The following ZNF571 variants were observed in gnomAD, a reference collection of about 807,000 sequenced individuals.
The protein encoded by ZNF571 is zinc finger protein 571.
ZNF571 carries 4 observed loss-of-function variants against 7.7 expected under a neutral mutation model. The observed-to-expected ratio is 0.52, with a 90% CI of 0.25 to 1.18. The LOEUF (loss-of-function observed/expected upper bound fraction) is 1.18. Among genes scored for constraint, ZNF571 ranks in the 50% most tolerant of loss-of-function variants. ZNF571 has a pLI of 0.14. For synonymous variants in ZNF571, 251 were observed against 232.4 expected (o/e 1.08, Z -0.73); for missense variants, 704 against 726.9 (o/e 0.97, Z 0.36).
At position 37,564,639 on chromosome 19, in the gene ZNF571, A is replaced by T; in HGVS notation, c.1789T>A (p.Cys597Ser). Residue 597 changes from cysteine to serine, a missense_variant, in exon 4 of 4, where the codon TGT (cysteine) becomes AGT (serine). By Grantham distance (112) the Cys-to-Ser change is moderately radical. Transcript: ENST00000451802. ...TCVQCGKDFR[C>S]PSQLTQHTRL... ...GTATGTTGAGTAAGTTGTGAAGGAC[A>T]TCTAAAGTCTTTACCACACTGGACA... 1 of 1,579,496 alleles carries T rather than the reference A, an allele frequency of 6.3e-7. No homozygotes were observed.
At chr19:37,579,523 A>G (rs1425843036) in intron 3 of ZNF571, among the ~76,000 whole-genome samples, 1 of 150,254 alleles carries the variant, frequency 6.7e-6, no homozygotes, top group Non-Finnish European at 1.5e-5. Flanking sequence ...TGGTGCTGGG[A>G]TAACTGGCTA....
rs199608137 is a variant in ZNF571 at position 37,564,610 on chromosome 19, C to A, written c.1818G>T (p.Arg606Ser). The change falls in exon 4 of 4, where the codon AGG becomes AGT. Residue 606 changes from arginine (R) to serine (S), a missense_variant. By Grantham distance (110) the Arg-to-Ser change is moderately radical. Coordinates refer to ENST00000451802, the MANE Select transcript of ZNF571 (RefSeq NM_016536.5). ...ATTCAAGGCTTTCTCAATTATGAAG[C>A]CTTGTATGTTGAGTAAGTTGTGAAG... ...RCPSQLTQHT[R>S]LHN 1 of 1,518,810 alleles carries A rather than the reference C, an allele frequency of 6.6e-7. No individual in the cohort carries two copies. The allele number at this position is 1,518,810 out of a possible 1,614,324, so 94.1% of individuals were successfully genotyped here.
At chr19:37,578,676 C>G (rs1237367705) in intron 3 of ZNF571, among the ~76,000 whole-genome samples, 1 of 151,960 alleles carries the variant, frequency 6.6e-6, no homozygotes, top group Non-Finnish European at 1.5e-5. Context: ...CACAGCGACC[C>G]TGTCCCCACC....
intron 2 of ZNF571, chr19:37,585,144 A>T (rs1271565449): frequency 6.6e-6 from 1 of 152,246 alleles, no homozygotes; most frequent in Non-Finnish European, 1.5e-5. Flanking sequence ...GAACTGGTAC[A>T]TTCCGGGAAA....
chr19:37,584,942 C>A (rs2147200087), intron 2 of ZNF571: 1 of 149,476 alleles, frequency 6.7e-6, no homozygotes, highest in East Asian at 2.0e-4. Context: ...CCCGCCTGGG[C>A]CACAGAGCGA....
In ZNF571 at chr19:37,565,842, CAT is replaced by C. The variant is rs1433422871; in HGVS notation, c.584_585del (p.Tyr195Ter). 6.2e-7 allele frequency: 1 copy of C among 1,613,838 alleles called. No homozygotes were observed. Among genetic ancestry groups the C allele is most frequent in the South Asian group, 1.1e-5 (1 of 91,058 alleles). Reference protein sequence around the residue: ...HQRIQTGEKPYECMECGKAFG... With the variant: ...HQRIQTGEKPXECMECGKAFG... ...AAGGCCTTTCCACATTCCATACACT[CAT>C]AAGGTTTCTCACCAGTCTGAATTCT... On this transcript the variant is annotated frameshift_variant, in exon 4 of 4. Coordinates refer to ENST00000451802, the MANE Select transcript of ZNF571 (RefSeq NM_016536.5). LOFTEE classifies it low-confidence loss of function (END_TRUNC).
chr19:37,589,753 C>G (rs1202267035), intron 1 of ZNF571, among the ~76,000 whole-genome samples: 3 of 146,426 alleles, frequency 2.0e-5, no homozygotes, highest in African/African-American at 7.6e-5. Context: ...GTAATCCCAG[C>G]TACTTGGGAG....
At chr19:37,593,177 G>A (rs150787509) in intron 1 of ZNF571, among the ~76,000 whole-genome samples, 104 of 151,324 alleles carry the variant, frequency 6.9e-4, no homozygotes, top group African/African-American at 2.4e-3. Context: ...AAAATATAAT[G>A]TCCTTTTTGG....
At chr19:37,588,597 C>T (rs890245808) in intron 1 of ZNF571, among the ~76,000 whole-genome samples, 2 of 152,192 alleles carry the variant, frequency 1.3e-5, no homozygotes, top group Non-Finnish European at 2.9e-5. Flanking sequence ...AACCTACCTA[C>T]CTATCAGGTA....
chr19:37,565,390 A>G lies in ZNF571; in HGVS notation c.1038T>C (p.Cys346=), dbSNP rs767177847. The G allele has an allele frequency of 1.2e-6, 2 of 1,613,834 alleles. No homozygotes were observed. Residue 346 remains cysteine (C), a synonymous_variant, in exon 4 of 4, where the codon TGT becomes TGC. Transcript: ENST00000451802. ...ICKECGKAFL[C]ASQLNEHQRI... ...TCTGATGTTCATTCAGTTGGGAGGCACATAAAAAGGCTTTCCCACATTCTT... is the reference window on the plus strand; with the variant it reads ...TCTGATGTTCATTCAGTTGGGAGGCGCATAAAAAGGCTTTCCCACATTCTT...
chr19:37,568,676 A>T (rs1214084910), intron 3 of ZNF571, among the ~76,000 whole-genome samples: 1 of 152,202 alleles, frequency 6.6e-6, no homozygotes, highest in Non-Finnish European at 1.5e-5. Flanking sequence ...AAAGTCTCAG[A>T]ACTGTGCCCA....
At chr19:37,571,478 A>C (rs1019453767) in intron 3 of ZNF571, among the ~76,000 whole-genome samples, 1 of 152,182 alleles carries the variant, frequency 6.6e-6, no homozygotes, top group Non-Finnish European at 1.5e-5. Flanking sequence ...CCTGGGTGAG[A>C]GAGCGAGACT....
chr19:37,573,483 A>G (rs2043135575), intron 3 of ZNF571, among the ~76,000 whole-genome samples: 1 of 152,132 alleles, frequency 6.6e-6, no homozygotes. Flanking sequence ...ATTTCAGCAC[A>G]ATAGCTGTAA....
chr19:37,574,164 G>A (rs1318100641), intron 3 of ZNF571, among the ~76,000 whole-genome samples: 1 of 152,118 alleles, frequency 6.6e-6, no homozygotes, highest in Non-Finnish European at 1.5e-5. Context: ...CTCATTTTTA[G>A]AAGTCTACAC....
chr19:37,582,703 C>T (rs1402167342), intron 3 of ZNF571, among the ~76,000 whole-genome samples: 1 of 152,164 alleles, frequency 6.6e-6, no homozygotes, highest in Non-Finnish European at 1.5e-5. Flanking sequence ...ACCCTGATGC[C>T]TCTATTGCCA....
intron 3 of ZNF571, among the ~76,000 whole-genome samples, chr19:37,568,326 C>CCA (rs397961652): frequency 1.3e-5 from 2 of 150,626 alleles, no homozygotes; most frequent in African/African-American, 2.4e-5. Flanking sequence ...TACCCCCCCC[C>CCA]ACTTGCCATA....
At chr19:37,566,364 T>C (rs934649719) in intron 3 of ZNF571, 73 bp from the exon 4 acceptor site, 2 of 1,473,872 alleles carry the variant, frequency 1.4e-6, no homozygotes, top group South Asian at 2.7e-5. Context: ...GTAAAAATGA[T>C]AGATGAAAAT....
Position 37,564,478 on chromosome 19 carries a change from CATGTTA to C in ZNF571, c.*114_*119del, listed in dbSNP as rs2042775642. The C allele has an allele frequency of 7.4e-6, 6 of 814,490 alleles. No homozygotes were observed. The highest frequency in any genetic ancestry group is 1.1e-5 in the Non-Finnish European group (6 of 570,944). The allele number at this position is 814,490 out of a possible 1,614,324, so 50.5% of individuals were successfully genotyped here. On this transcript the variant is annotated 3_prime_UTR_variant, in exon 4 of 4. Coordinates refer to ENST00000451802, the MANE Select transcript of ZNF571 (RefSeq NM_016536.5). Reference sequence around the variant, plus strand: ...GGGGTTTCTGAAATTATTCTGCATCCATGTTAATGTAGGCCTTCTAAGAATGAGCAG... The same window carrying C: ...GGGGTTTCTGAAATTATTCTGCATCCATGTAGGCCTTCTAAGAATGAGCAG...
intron 3 of ZNF571, 152 bp from the exon 4 acceptor site, chr19:37,566,443 CA>C (rs1274957834): frequency 6.0e-6 from 5 of 828,424 alleles, no homozygotes; most frequent in Non-Finnish European, 8.9e-6. Context: ...TTTAAAGGCA[CA>C]AGGAGAGAAT....
Sources: gnomAD v4.1 joint callset for allele counts (sites outside exome capture counted in the v4.1 genomes callset) on GRCh38, gnomAD v4.1.1 for gene constraint, MANE v1.5 for transcripts, NCBI Gene and HGNC (gene_info 2026-07-23, HGNC 2026-07-21) for gene names.